Variants in ACSS2 observed in about 807,000 individuals in gnomAD.
ACSS2 encodes acetyl-coenzyme A synthetase, cytoplasmic.
In ACSS2, 58 loss-of-function variants were observed where a neutral mutation model predicts 90.6. The observed-to-expected ratio is 0.64, with a 90% confidence interval of 0.52 to 0.80. ACSS2 has a LOEUF of 0.80. Ranked by LOEUF, ACSS2 falls within the 30% of genes least tolerant of loss-of-function variation. The probability of loss-of-function intolerance (pLI) is 0.00; values close to 1 mark genes in which losing one functional copy is unlikely to be tolerated. For missense variants in ACSS2, 759 were observed against 912.0 expected, an observed-to-expected ratio of 0.83 and a Z score of 2.16; for synonymous variants, 300 against 330.9, an observed-to-expected ratio of 0.91 and a Z score of 1.01.
intron 2 of ACSS2, among the ~76,000 whole-genome samples, chr20:34,883,664 A>C (rs2080121845): frequency 6.6e-6 from 1 of 152,224 alleles, no homozygotes; most frequent in Non-Finnish European, 1.5e-5. Flanking sequence ...GAACAAATGA[A>C]GCATTGAAGG....
chr20:34,893,842 T>C (rs1045037380), intron 2 of ACSS2, among the ~76,000 whole-genome samples: 1 of 152,198 alleles, frequency 6.6e-6, no homozygotes, highest in African/African-American at 2.4e-5. Flanking sequence ...ATGGTTTTAC[T>C]ATCATGGTTT....
Position 34,927,107 on chromosome 20 carries a change from C to A in ACSS2, c.1999C>A (p.Leu667Ile). Residue 667 changes from leucine (L) to isoleucine (I), a missense_variant, in exon 18 of 18, where the codon CTT (leucine) becomes ATT (isoleucine). Leu to Ile is a conservative substitution (Grantham distance 5). Coordinates refer to ENST00000360596, the MANE Select transcript of ACSS2 (RefSeq NM_018677.4). This position sits in a 1 kb window ranked among gnomAD's most constrained non-coding sequence, Gnocchi z 4.2. ...CCCAGGGAAAATCATGAGGCGAGTG[C>A]TTCGGAAGATTGCTCAGAATGACCA... Reference protein sequence around the residue: ...TRSGKIMRRVLRKIAQNDHDL... With the variant: ...TRSGKIMRRVIRKIAQNDHDL... 1 of 1,614,106 alleles carries A rather than the reference C, an allele frequency of 6.2e-7. No individual in the cohort carries two copies. The highest frequency in any genetic ancestry group is 8.5e-7 in the Non-Finnish European group (1 of 1,180,012).
rs954135570 is a variant in ACSS2, at chr20:34,917,597, A to G, written c.835-1838A>G. On this transcript the variant is annotated intron_variant, in intron 7 of 17. Transcript: ENST00000360596. The stretch of plus-strand genomic sequence containing the variant: ...TATATCCTTATAATGGGAGAATGGC[A>G]TTTATCTTACACCATCATGTCTACC... Among the ~76,000 whole-genome samples, 6 of 152,286 alleles carry G rather than the reference A, an allele frequency of 3.9e-5. No homozygotes were observed. In the East Asian group the frequency reaches 1.2e-3, roughly 29 times the overall value.
chr20:34,900,537 A>G (rs1162884245), intron 2 of ACSS2, among the ~76,000 whole-genome samples: 1 of 152,088 alleles, frequency 6.6e-6, no homozygotes, highest in East Asian at 1.9e-4. Flanking sequence ...TGAGGAATCA[A>G]TGTTTAGGGA....
rs1220530914 is a variant in ACSS2, at chr20:34,893,818, G to A, written c.374+10829G>A. Among the ~76,000 whole-genome samples, 3 of 151,994 alleles carry A rather than the reference G, an allele frequency of 2.0e-5. No individual in the cohort carries two copies. The East Asian group carries it at 5.8e-4, about 29-fold the overall frequency. ...GAACAGCCCTCTTCTAGGGTTCTAA[G>A]GTCTGGTCTACTTATGGTTTTACTA... On this transcript the variant is annotated intron_variant, in intron 2 of 17. Transcript: ENST00000360596.
At chr20:34,881,192 A>AT (rs752124623) in intron 1 of ACSS2, among the ~76,000 whole-genome samples, 5,916 of 137,500 alleles carry the variant, frequency 0.043, 334 homozygotes, top group African/African-American at 0.13. Context: ...ACACCTGGCA[A>AT]TTTTTTTTTT....
At position 34,926,239 on chromosome 20, in the gene ACSS2, C is replaced by T. The variant is rs1335803848; in HGVS notation, c.1861C>T (p.His621Tyr). 2.5e-6 allele frequency: 4 copies of T among 1,614,188 alleles called. No homozygotes were observed. The highest frequency in any genetic ancestry group is 2.7e-5 in the African/African-American group (2 of 75,040). ...CTGCTTTGTCACCTTGTGTGATGGC[C>T]ACACCTTCAGCCCCAAGCTCACCGA... is the stretch of plus-strand genomic sequence containing the variant. ...LYCFVTLCDG[H>Y]TFSPKLTEEL... Residue 621 changes from histidine to tyrosine, a missense_variant, in exon 16 of 18, where the codon CAC becomes TAC. Physicochemically the swap from His to Tyr is moderately conservative, Grantham distance 83. Coordinates refer to ENST00000360596, the MANE Select transcript of ACSS2 (RefSeq NM_018677.4).
chr20:34,889,259 A>G (rs2080274404), intron 2 of ACSS2, among the ~76,000 whole-genome samples: 1 of 151,770 alleles, frequency 6.6e-6, no homozygotes, highest in Admixed American at 6.6e-5. Context: ...AGCAGCTGGT[A>G]CTACAGGCGC....
chr20:34,918,484 T>G (rs1401263143), intron 7 of ACSS2, among the ~76,000 whole-genome samples: 1 of 152,138 alleles, frequency 6.6e-6, no homozygotes, highest in Non-Finnish European at 1.5e-5. Flanking sequence ...CAGAAGTAAT[T>G]ATCAAAGGCA....
At chr20:34,899,909 A>G (rs183007584) in intron 2 of ACSS2, among the ~76,000 whole-genome samples, 16 of 151,902 alleles carry the variant, frequency 1.1e-4, no homozygotes, top group Non-Finnish European at 2.1e-4. Flanking sequence ...TATGTTTTCA[A>G]TTCTCTTGGG....
intron 5 of ACSS2, 57 bp downstream of exon 5, chr20:34,913,882 CA>C: frequency 3.2e-6 from 5 of 1,551,936 alleles, no homozygotes; most frequent in Non-Finnish European, 4.4e-6. Context: ...CCTTGGTCTC[CA>C]ATCAGCTCAT....
chr20:34,918,061 A>C (rs750576972), intron 7 of ACSS2, among the ~76,000 whole-genome samples: 19 of 151,770 alleles, frequency 1.3e-4, no homozygotes, highest in Non-Finnish European at 2.5e-4. Context: ...CCAGCCCCAC[A>C]CTCTTAAGTT....
At chr20:34,880,731 G>T (rs2080052927) in intron 1 of ACSS2, among the ~76,000 whole-genome samples, 1 of 151,680 alleles carries the variant, frequency 6.6e-6, no homozygotes. Context: ...AGTTTTCTAG[G>T]TATATAATGG....
chr20:34,925,822 C>G, intron 15 of ACSS2, 56 bp downstream of exon 15: 22 of 1,571,320 alleles, frequency 1.4e-5, no homozygotes, highest in Non-Finnish European at 1.8e-5. Flanking sequence ...TGACAACACC[C>G]AGCCGAAGCC....
chr20:34,920,846 G>T (rs983284704), intron 9 of ACSS2, 137 bp downstream of exon 9: 2 of 1,458,596 alleles, frequency 1.4e-6, no homozygotes, highest in South Asian at 1.3e-5. Flanking sequence ...GTCCTGAGGG[G>T]GTTGCGTATC....
Position 34,927,337 on chromosome 20 carries a change from G to C in ACSS2, c.*123G>C, listed in dbSNP as rs2081343083. On this transcript the variant is annotated 3_prime_UTR_variant, in exon 18 of 18. Transcript: ENST00000360596. The surrounding 1 kb of genome is among the most constrained non-coding windows in gnomAD (Gnocchi z 4.2). ...TACCCTCCCTTGACCAGCTGTCTGG[G>C]ACCGGAAACCAGCTTTGTCTCCAGG... is the stretch of plus-strand genomic sequence containing the variant. 1 of 1,355,542 alleles carries C rather than the reference G, an allele frequency of 7.4e-7. No individual in the cohort carries two copies. The highest frequency in any genetic ancestry group is 1.0e-6 in the Non-Finnish European group (1 of 980,222). 84.0% of individuals were successfully genotyped at this position (1,355,542 alleles called of 1,614,324 possible).
intron 2 of ACSS2, among the ~76,000 whole-genome samples, chr20:34,891,767 G>A (rs2080341649): frequency 6.6e-6 from 1 of 152,166 alleles, no homozygotes; most frequent in South Asian, 2.1e-4. Context: ...TTCTCCCTGA[G>A]TTTTATGACC....
chr20:34,925,648 G>C, intron 14 of ACSS2, 50 bp from the exon 15 acceptor site: 19 of 1,567,222 alleles, frequency 1.2e-5, no homozygotes, highest in Non-Finnish European at 1.6e-5. Context: ...ATGTGGATCA[G>C]GTATCCTACC....
chr20:34,877,402 G>A (rs1009645131), intron 1 of ACSS2, among the ~76,000 whole-genome samples: 4 of 152,140 alleles, frequency 2.6e-5, no homozygotes, highest in Non-Finnish European at 4.4e-5. Flanking sequence ...AAATTACGCG[G>A]TATAAGACTG....
Sources: allele counts gnomAD v4.1 joint callset (sites outside exome capture counted in the v4.1 genomes callset), GRCh38; gene constraint gnomAD v4.1.1; non-coding constraint Gnocchi (gnomAD v3.1); transcripts MANE v1.5; gene names NCBI Gene and HGNC (gene_info 2026-07-23, HGNC 2026-07-21).